The following PSMC3IP variants were observed in gnomAD, a reference collection of about 807,000 sequenced individuals.
PSMC3IP encodes PSMC3 interacting protein.
Under a neutral mutation model 34.9 loss-of-function variants are expected in PSMC3IP, and 26 were observed. The observed-to-expected ratio is 0.74, with a 90% CI of 0.55 to 1.03. The LOEUF is 1.03. Ranked by LOEUF, PSMC3IP falls within the 50% of genes least tolerant of loss-of-function variation. PSMC3IP has a pLI of 0.00. For missense variants in PSMC3IP, 250 were observed against 263.1 expected, an observed-to-expected ratio of 0.95 and a Z score of 0.34; for synonymous variants, 87 against 96.5, an observed-to-expected ratio of 0.90 and a Z score of 0.57.
Position 42,573,560 on chromosome 17 carries a change from T to C in PSMC3IP, c.401A>G (p.Lys134Arg), listed in dbSNP as rs1215498742. Reference protein sequence around the residue: ...PEMQKEIQELKKECAGYRERL... With the variant: ...PEMQKEIQELRKECAGYRERL... Reference sequence around the variant, plus strand: ...CTCTCTGTAGCCAGCGCATTCCTTCTTTAACTCCTGGATTTCTTTCTGCAT... The same window carrying C: ...CTCTCTGTAGCCAGCGCATTCCTTCCTTAACTCCTGGATTTCTTTCTGCAT... The change falls in exon 5 of 8, where the codon AAG becomes AGG. Residue 134 changes from lysine to arginine, a missense_variant. Lys to Arg is a conservative substitution (Grantham distance 26, BLOSUM62 2). Coordinates refer to ENST00000393795, the MANE Select transcript of PSMC3IP (RefSeq NM_016556.4). 2.5e-6 allele frequency: 4 copies of C among 1,614,198 alleles called. No individual in the cohort carries two copies. Among genetic ancestry groups the C allele is most frequent in the Non-Finnish European group, 3.4e-6 (4 of 1,180,016 alleles).
intron 3 of PSMC3IP, among the ~76,000 whole-genome samples, chr17:42,575,853 CAAAAAAA>C (rs971478774): frequency 3.3e-4 from 33 of 100,482 alleles, no homozygotes; most frequent in African/African-American, 8.8e-4. Context: ...CTAAAAATAC[CAAAAAAA>C]AAAAAAAAAA....
In PSMC3IP at chr17:42,572,594, C is replaced by T. The variant is rs1267508468; in HGVS notation, c.*374G>A. On this transcript the variant is annotated 3_prime_UTR_variant, in exon 8 of 8. Transcript: ENST00000393795. ...ATAGCAACCTCTCTCTACCCTAGTT[C>T]TCCAAATTCACTTCTGCCTTCCTCA... The T allele has an allele frequency of 2.2e-6, 1 of 452,942 alleles. No homozygotes were observed. Among genetic ancestry groups the T allele is most frequent in the Non-Finnish European group, 4.4e-6 (1 of 226,124 alleles). The allele number at this position is 452,942 out of a possible 1,614,324, so 28.1% of individuals were successfully genotyped here.
In PSMC3IP at chr17:42,574,214, C is replaced by G; in HGVS notation, c.226-4G>C. 2 of 1,613,398 alleles carry G rather than the reference C, an allele frequency of 1.2e-6. No homozygotes were observed. The highest frequency in any genetic ancestry group is 1.7e-6 in the Non-Finnish European group (2 of 1,179,698). On this transcript the variant is annotated splice_polypyrimidine_tract_variant and splice_region_variant and intron_variant, in intron 3 of 7. Transcript: ENST00000393795. ...CACTCACCATGTCAAACTGGTCCTG[C>G]CAGACAAAGAGGGAAAATACAAGTG...
At position 42,573,384 on chromosome 17, in the gene PSMC3IP, T is replaced by TC. The variant is rs1567912432; in HGVS notation, c.484-21dup. On this transcript the variant is annotated intron_variant, in intron 5 of 7. Transcript: ENST00000393795. ...GTACACCTAGAAGGAAAAAGCAAGTTCCTCTAACTCCTCAGAACCACAGCA... is the reference window on the plus strand; with the variant it reads ...GTACACCTAGAAGGAAAAAGCAAGTTCCCTCTAACTCCTCAGAACCACAGCA... The TC allele has an allele frequency of 6.2e-7, 1 of 1,614,134 alleles. No individual in the cohort carries two copies. The highest frequency in any genetic ancestry group is 2.2e-5 in the East Asian group (1 of 44,884).
chr17:42,577,626 T>G (rs1433217259), intron 1 of PSMC3IP, 27 bp downstream of exon 1: 9 of 1,613,958 alleles, frequency 5.6e-6, no homozygotes, highest in African/African-American at 1.3e-5. Context: ...CCCTCCCGGG[T>G]CTTCCCCGCG....
At chr17:42,575,962 A>G (rs2093072795) in intron 3 of PSMC3IP, among the ~76,000 whole-genome samples, 1 of 152,004 alleles carries the variant, frequency 6.6e-6, no homozygotes, top group African/African-American at 2.4e-5. Flanking sequence ...TGGAGCTTAT[A>G]GTGAGCCGAG....
intron 4 of PSMC3IP, 190 bp from the exon 5 acceptor site, chr17:42,573,813 T>C (rs770535138): frequency 1.5e-5 from 23 of 1,529,358 alleles, no homozygotes; most frequent in Non-Finnish European, 1.3e-5. Context: ...GGGTGTGAGG[T>C]TGAACACTTA....
chr17:42,572,486 C>T lies in PSMC3IP; in HGVS notation c.*482G>A, dbSNP rs766451269. ...ACTTGGGGGTGGGGTGAAAAGCGTA[C>T]AAAAGATACTTAAAAGGGCTCCTGG... On this transcript the variant is annotated 3_prime_UTR_variant, in exon 8 of 8. Transcript: ENST00000393795. 13 of 454,274 alleles carry T rather than the reference C, an allele frequency of 2.9e-5. No homozygotes were observed. The highest frequency in any genetic ancestry group is 1.4e-4 in the South Asian group (9 of 64,456). 28.1% of individuals were successfully genotyped at this position (454,274 alleles called of 1,614,324 possible).
At chr17:42,575,825 G>A (rs1403017953) in intron 3 of PSMC3IP, among the ~76,000 whole-genome samples, 1 of 140,128 alleles carries the variant, frequency 7.1e-6, no homozygotes, top group Non-Finnish European at 1.5e-5. Flanking sequence ...TGGCTAACAC[G>A]ATGAAACCCC....
In PSMC3IP at chr17:42,573,635, T is replaced by TC; in HGVS notation, c.338-13dup. ...TAATTCCTTGAGCTCTGAAACCACATCCGCCTGGGGTCACTTGCTACCCCT... is the reference window on the plus strand; with the variant it reads ...TAATTCCTTGAGCTCTGAAACCACATCCCGCCTGGGGTCACTTGCTACCCCT... On this transcript the variant is annotated splice_polypyrimidine_tract_variant and intron_variant, in intron 4 of 7. Coordinates refer to ENST00000393795, the MANE Select transcript of PSMC3IP (RefSeq NM_016556.4). 6 of 1,613,980 alleles carry TC rather than the reference T, an allele frequency of 3.7e-6. No homozygotes were observed. Among genetic ancestry groups the TC allele is most frequent in the Non-Finnish European group, 5.1e-6 (6 of 1,179,842 alleles).
At position 42,573,198 on chromosome 17, in the gene PSMC3IP, T is replaced by A. The variant is rs752165661; in HGVS notation, c.538-32A>T. 2.5e-6 allele frequency: 4 copies of A among 1,614,186 alleles called. No homozygotes were observed. The East Asian group carries it at 8.9e-5, about 36-fold the overall frequency. ...AGAAATAAAACCACCCGTTTTCAGATGGGCAGCACTGGGCACTGCCTGTCA... is the reference window on the plus strand; with the variant it reads ...AGAAATAAAACCACCCGTTTTCAGAAGGGCAGCACTGGGCACTGCCTGTCA... On this transcript the variant is annotated intron_variant, in intron 6 of 7. Transcript: ENST00000393795.
rs780762374 is a variant in PSMC3IP, at chr17:42,573,531, A to ATC, written c.428_429dup (p.Leu144AspfsTer2). 6 of 1,613,866 alleles carry ATC rather than the reference A, an allele frequency of 3.7e-6. No homozygotes were observed. The African/African-American group carries it at 5.3e-5, about 14-fold the overall frequency. On this transcript the variant is annotated frameshift_variant, in exon 5 of 8. Transcript: ENST00000393795. LOFTEE classifies it high-confidence loss of function. ...TTGGTAGCTGCTTTAATGTTCTTCAATCTCTCTCTGTAGCCAGCGCATTCC... is the reference window on the plus strand; with the variant it reads ...TTGGTAGCTGCTTTAATGTTCTTCAATCTCTCTCTCTGTAGCCAGCGCATTCC...
chr17:42,575,548 G>A (rs1275442646), intron 3 of PSMC3IP, among the ~76,000 whole-genome samples: 2 of 152,210 alleles, frequency 1.3e-5, no homozygotes, highest in Admixed American at 1.3e-4. Context: ...AGGAAAGTCA[G>A]CCTTAAAAGT....
In PSMC3IP at chr17:42,572,938, C is replaced by T. The variant is rs2093043974; in HGVS notation, c.*30G>A. On this transcript the variant is annotated 3_prime_UTR_variant, in exon 8 of 8. Transcript: ENST00000393795. ...GACATCTCACTCTTCTGACATCCTGCAGTCCCCACCAGTCCTGACCGTGGG... is the reference window on the plus strand; with the variant it reads ...GACATCTCACTCTTCTGACATCCTGTAGTCCCCACCAGTCCTGACCGTGGG... 3 of 1,611,668 alleles carry T rather than the reference C, an allele frequency of 1.9e-6. No individual in the cohort carries two copies. Among genetic ancestry groups the T allele is most frequent in the African/African-American group, 1.3e-5 (1 of 74,968 alleles).
Position 42,577,223 on chromosome 17 carries a change from A to G in PSMC3IP, c.215T>C (p.Phe72Ser), listed in dbSNP as rs1363637383. 6.2e-7 allele frequency: 1 copy of G among 1,613,986 alleles called. No individual in the cohort carries two copies. The highest frequency in any genetic ancestry group is 8.5e-7 in the Non-Finnish European group (1 of 1,180,002). The change falls in exon 3 of 8, where the codon TTT becomes TCT. Residue 72 changes from phenylalanine to serine, a missense_variant. Phe to Ser is a radical substitution (Grantham distance 155). Transcript: ENST00000393795. The part of the protein sequence containing the change: ...EKMYGKQKIY[F>S]ADQDQFDMVS... ...GCAAGTTCTCCTCACCTGATCCGCA[A>G]AATAGATCTTCTGCTTGCCGTACAT...
rs1364548040 is a variant in PSMC3IP, at chr17:42,573,555, CCTT to C, written c.403_405del (p.Lys135del). ...AATCTCTCTCTGTAGCCAGCGCATT[CCTT>C]CTTTAACTCCTGGATTTCTTTCTGC... On this transcript the variant is annotated inframe_deletion, in exon 5 of 8. Coordinates refer to ENST00000393795, the MANE Select transcript of PSMC3IP (RefSeq NM_016556.4). The C allele has an allele frequency of 3.1e-6, 5 of 1,614,188 alleles. No homozygotes were observed. The Admixed American group carries it at 8.3e-5, about 27-fold the overall frequency.
intron 3 of PSMC3IP, among the ~76,000 whole-genome samples, chr17:42,574,674 TCTCC>T (rs958309967): frequency 5.0e-5 from 7 of 140,210 alleles, no homozygotes; most frequent in Admixed American, 1.5e-4. Flanking sequence ...CACCTTCCTC[TCTCC>T]CTCCTTCCTT....
chr17:42,573,876 G>A, intron 4 of PSMC3IP: 1 of 1,531,820 alleles, frequency 6.5e-7, no homozygotes, highest in East Asian at 2.4e-5. Context: ...TGGGGACAGT[G>A]TACTGATAAT....
chr17:42,577,593 T>G (rs1321187461), intron 1 of PSMC3IP, 32 bp from the exon 2 acceptor site: 1 of 1,614,106 alleles, frequency 6.2e-7, no homozygotes, highest in African/African-American at 1.3e-5. Context: ...AGGGGGCCAC[T>G]CAACCGACCT....
Sources: gnomAD v4.1 joint callset for allele counts (sites outside exome capture counted in the v4.1 genomes callset) on GRCh38, gnomAD v4.1.1 for gene constraint, MANE v1.5 for transcripts, NCBI Gene and HGNC (gene_info 2026-07-23, HGNC 2026-07-21) for gene names.